The following SLC35F3 variants were observed in gnomAD, a reference collection of about 807,000 sequenced individuals.
SLC35F3 encodes putative thiamine transporter SLC35F3.
In SLC35F3, 25 loss-of-function variants were observed where a neutral mutation model predicts 49.9. That is an observed-to-expected ratio of 0.50 (90% CI 0.37 to 0.70). SLC35F3 has a LOEUF of 0.70. SLC35F3 is among the 30% of genes least tolerant of loss of function. The pLI is 0.00. For missense variants in SLC35F3, 525 were observed against 639.8 expected (o/e 0.82, Z 1.94); for synonymous variants, 275 against 265.4 (o/e 1.04, Z -0.35).
chr1:234,288,178 C>T (rs575732585), intron 3 of SLC35F3, among the ~76,000 whole-genome samples: 2 of 152,298 alleles, frequency 1.3e-5, no homozygotes, highest in African/African-American at 2.4e-5. Context: ...TAAACCACCA[C>T]GCCTAGCCTG....
At chr1:234,141,854 A>C (rs145118842) in intron 2 of SLC35F3, among the ~76,000 whole-genome samples, 1 of 152,134 alleles carries the variant, frequency 6.6e-6, no homozygotes, top group East Asian at 1.9e-4. Context: ...ACACCTACTC[A>C]TCCTAGGATC....
At chr1:234,134,816 G>A (rs1665786256) in intron 2 of SLC35F3, among the ~76,000 whole-genome samples, 1 of 152,128 alleles carries the variant, frequency 6.6e-6, no homozygotes, top group Admixed American at 6.5e-5. Context: ...CTGCCTCACA[G>A]GTTCACGCCA....
At chr1:233,978,362 A>G (rs1388116602) in intron 2 of SLC35F3, among the ~76,000 whole-genome samples, 1 of 152,224 alleles carries the variant, frequency 6.6e-6, no homozygotes, top group African/African-American at 2.4e-5. Context: ...CTTATTTTAC[A>G]AAGAAGACTT....
chr1:234,302,230 T>A (rs1237692776), intron 3 of SLC35F3, among the ~76,000 whole-genome samples: 1 of 150,942 alleles, frequency 6.6e-6, no homozygotes, highest in South Asian at 2.1e-4. Flanking sequence ...ACAGAGGAAG[T>A]CTAGAGGATG....
intron 2 of SLC35F3, among the ~76,000 whole-genome samples, chr1:234,129,666 A>G (rs1450067614): frequency 1.3e-5 from 2 of 152,218 alleles, no homozygotes; most frequent in Non-Finnish European, 2.9e-5. Flanking sequence ...CCAGATTCCA[A>G]AAATTATAAA....
At chr1:234,136,897 G>A (rs960196513) in intron 2 of SLC35F3, among the ~76,000 whole-genome samples, 1 of 152,174 alleles carries the variant, frequency 6.6e-6, no homozygotes, top group Non-Finnish European at 1.5e-5. Flanking sequence ...AGGGGCCACC[G>A]CTTTGGTAGT....
Position 234,112,855 on chromosome 1 carries a change from G to A in SLC35F3, c.284-118562G>A, listed in dbSNP as rs188365819. Among the ~76,000 whole-genome samples the A allele has an allele frequency of 9.6e-3, 1,446 of 149,862 alleles. 27 individuals are homozygous for A. The highest frequency in any genetic ancestry group is 0.034 in the African/African-American group (1,383 of 40,728). On this transcript the variant is annotated intron_variant, in intron 2 of 7. Coordinates refer to ENST00000366618, the MANE Select transcript of SLC35F3 (RefSeq NM_173508.4). ...CTCCCAAAGTGCTGGGATTACAGGC[G>A]TGAGCCACCGTGCCCGGCCTATAAT...
In SLC35F3 at chr1:234,067,931, G is replaced by T. The variant is rs1313627338; in HGVS notation, c.283+162173G>T. Among the ~76,000 whole-genome samples, 3 of 152,316 alleles carry T rather than the reference G, an allele frequency of 2.0e-5. No homozygotes were observed. The South Asian group carries it at 6.2e-4, about 32-fold the overall frequency. On this transcript the variant is annotated intron_variant, in intron 2 of 7. Coordinates refer to ENST00000366618, the MANE Select transcript of SLC35F3 (RefSeq NM_173508.4). Reference sequence around the variant, plus strand: ...CATTTACCTTCAAATAAAGTAGCTGGGTTTGGTGAAGACCTCTGAAATATC... The same window carrying T: ...CATTTACCTTCAAATAAAGTAGCTGTGTTTGGTGAAGACCTCTGAAATATC...
intron 2 of SLC35F3, among the ~76,000 whole-genome samples, chr1:233,993,527 T>A (rs963619221): frequency 3.3e-5 from 5 of 152,224 alleles, no homozygotes; most frequent in Non-Finnish European, 5.9e-5. Context: ...ACAACTAGCC[T>A]TTCTTAGGTA....
intron 2 of SLC35F3, among the ~76,000 whole-genome samples, chr1:234,111,721 A>C (rs1357329645): frequency 6.6e-6 from 1 of 152,246 alleles, no homozygotes; most frequent in East Asian, 1.9e-4. Context: ...TGGGTACCAC[A>C]TTCCAGGCCA....
intron 2 of SLC35F3, among the ~76,000 whole-genome samples, chr1:234,196,218 C>T (rs1240660762): frequency 1.3e-5 from 2 of 152,218 alleles, no homozygotes; most frequent in African/African-American, 4.8e-5. Context: ...TCCATGGCAA[C>T]AACCTCATGA....
intron 3 of SLC35F3, among the ~76,000 whole-genome samples, chr1:234,260,641 A>G (rs1667889075): frequency 6.6e-6 from 1 of 152,208 alleles, no homozygotes; most frequent in Non-Finnish European, 1.5e-5. Flanking sequence ...TCTTAATACT[A>G]TGGACAGCCT....
intron 3 of SLC35F3, among the ~76,000 whole-genome samples, chr1:234,241,469 G>A (rs993106545): frequency 1.3e-5 from 2 of 152,106 alleles, no homozygotes; most frequent in African/African-American, 4.8e-5. Flanking sequence ...AGCCGCGGTG[G>A]CTCACTTCAG....
At chr1:234,127,223 T>G (rs1665663277) in intron 2 of SLC35F3, among the ~76,000 whole-genome samples, 1 of 152,230 alleles carries the variant, frequency 6.6e-6, no homozygotes, top group African/African-American at 2.4e-5. Flanking sequence ...TTTTCTGTGC[T>G]CACTTACCAA....
intron 2 of SLC35F3, among the ~76,000 whole-genome samples, chr1:234,154,396 C>T (rs1418610636): frequency 6.6e-6 from 1 of 152,220 alleles, no homozygotes; most frequent in Non-Finnish European, 1.5e-5. Flanking sequence ...ATGTGTCCAT[C>T]TATCTATTGG....
chr1:234,208,754 A>G lies in SLC35F3; in HGVS notation c.284-22663A>G, dbSNP rs1223338793. 2.0e-5 allele frequency among the ~76,000 whole-genome samples: 3 copies of G among 152,230 alleles called. No homozygotes were observed. The East Asian group carries it at 5.8e-4, about 29-fold the overall frequency. ...CCAGCACACCCACTTCAGTATCCAGACCTCTGCTGAGATCACAAAACCCAG... is the reference window on the plus strand; with the variant it reads ...CCAGCACACCCACTTCAGTATCCAGGCCTCTGCTGAGATCACAAAACCCAG... On this transcript the variant is annotated intron_variant, in intron 2 of 7. Transcript: ENST00000366618.
At chr1:234,242,251 G>A (rs1667564817) in intron 3 of SLC35F3, among the ~76,000 whole-genome samples, 2 of 152,186 alleles carry the variant, frequency 1.3e-5, no homozygotes, top group African/African-American at 4.8e-5. Flanking sequence ...AACAGATGGG[G>A]CCACATGCCT....
chr1:234,131,744 G>A (rs934490570), intron 2 of SLC35F3, among the ~76,000 whole-genome samples: 1 of 152,214 alleles, frequency 6.6e-6, no homozygotes, highest in South Asian at 2.1e-4. Context: ...TTGGAGTGAG[G>A]AGTCTGGAGG....
At chr1:233,940,457 C>T (rs1266426434) in intron 2 of SLC35F3, among the ~76,000 whole-genome samples, 1 of 152,088 alleles carries the variant, frequency 6.6e-6, no homozygotes, top group African/African-American at 2.4e-5. Context: ...TCCATCTGCT[C>T]TTTCCTTAGT....
Sources: allele counts gnomAD v4.1 joint callset (sites outside exome capture counted in the v4.1 genomes callset), GRCh38; gene constraint gnomAD v4.1.1; transcripts MANE v1.5; gene names NCBI Gene and HGNC (gene_info 2026-07-23, HGNC 2026-07-21).